The following ERBB4 variants were observed in gnomAD, a reference collection of about 807,000 sequenced individuals.
ERBB4 encodes the protein receptor tyrosine-protein kinase erbB-4.
ERBB4 carries 42 observed loss-of-function variants against 158.0 expected under a neutral mutation model. The observed-to-expected ratio is 0.27, with a 90% CI of 0.21 to 0.34. The LOEUF is 0.34. Among genes scored for constraint, ERBB4 ranks in the 10% least tolerant of loss-of-function variants. ERBB4 has a pLI of 1.00. For synonymous variants in ERBB4, 583 were observed against 558.7 expected (o/e 1.04, Z -0.61); for missense variants, 1,333 against 1,624.1 (o/e 0.82, Z 3.08).
At chr2:212,041,571 C>A in intron 2 of ERBB4, among the ~76,000 whole-genome samples, 1 of 150,354 alleles carries the variant, frequency 6.7e-6, no homozygotes, top group Non-Finnish European at 1.5e-5. Context: ...GAAATAGTAG[C>A]AATATGGATC....
intron 1 of ERBB4, among the ~76,000 whole-genome samples, chr2:212,228,005 T>C (rs1220771674): frequency 6.6e-6 from 1 of 152,124 alleles, no homozygotes; most frequent in African/African-American, 2.4e-5. Context: ...GTCGCAATGT[T>C]CAGATCATGT....
At chr2:211,838,388 C>T (rs1003694861) in intron 3 of ERBB4, among the ~76,000 whole-genome samples, 3 of 151,948 alleles carry the variant, frequency 2.0e-5, no homozygotes, top group African/African-American at 7.3e-5. Flanking sequence ...AATTTTAAAA[C>T]ACATGTTAAA....
chr2:212,397,822 T>C (rs749996791), intron 1 of ERBB4, among the ~76,000 whole-genome samples: 1 of 152,140 alleles, frequency 6.6e-6, no homozygotes, highest in Non-Finnish European at 1.5e-5. Context: ...TTAAGGATAT[T>C]GATCAATTGT....
chr2:211,444,368 A>ATAAC (rs2064060026), intron 20 of ERBB4, among the ~76,000 whole-genome samples: 1 of 152,104 alleles, frequency 6.6e-6, no homozygotes, highest in African/African-American at 2.4e-5. Context: ...CTGTAAATAT[A>ATAAC]TAACTGTACA....
chr2:211,983,456 G>C (rs1240724502), intron 2 of ERBB4, among the ~76,000 whole-genome samples: 3 of 152,146 alleles, frequency 2.0e-5, no homozygotes, highest in Non-Finnish European at 4.4e-5. Context: ...TATAGCTATA[G>C]AGTTTATTCA....
chr2:212,173,570 T>C (rs75076215), intron 1 of ERBB4, among the ~76,000 whole-genome samples: 274 of 152,272 alleles, frequency 1.8e-3, no homozygotes, highest in African/African-American at 6.2e-3. Context: ...TATAACGATA[T>C]CTACTGTGTA....
intron 1 of ERBB4, among the ~76,000 whole-genome samples, chr2:212,257,080 G>T (rs978582729): frequency 6.6e-6 from 1 of 152,088 alleles, no homozygotes. Flanking sequence ...GCAGTCCCCA[G>T]TGTTTATTGT....
intron 1 of ERBB4, among the ~76,000 whole-genome samples, chr2:212,195,711 C>A (rs879775909): frequency 3.3e-5 from 5 of 151,940 alleles, no homozygotes; most frequent in Admixed American, 3.3e-4. Context: ...CATGGCTTAC[C>A]ATATCCCTAT....
chr2:211,775,263 T>G (rs2075843876), intron 4 of ERBB4, among the ~76,000 whole-genome samples: 1 of 152,206 alleles, frequency 6.6e-6, no homozygotes, highest in Non-Finnish European at 1.5e-5. Flanking sequence ...CAGCTGTTCT[T>G]GAGTAGCTCG....
At chr2:211,657,880 C>T (rs374654763) in intron 15 of ERBB4, 52 bp from the exon 16 acceptor site, 5 of 1,600,496 alleles carry the variant, frequency 3.1e-6, no homozygotes, top group Non-Finnish European at 4.3e-6. Flanking sequence ...CAGTGACATG[C>T]ACACACATGC....
At chr2:211,470,975 G>A (rs2064813990) in intron 20 of ERBB4, among the ~76,000 whole-genome samples, 2 of 152,152 alleles carry the variant, frequency 1.3e-5, no homozygotes, top group African/African-American at 4.8e-5. Flanking sequence ...AGGCTATGAT[G>A]AGACTGTGCC....
At chr2:212,351,225 C>G (rs1187679586) in intron 1 of ERBB4, among the ~76,000 whole-genome samples, 1 of 152,008 alleles carries the variant, frequency 6.6e-6, no homozygotes, top group Non-Finnish European at 1.5e-5. Context: ...GTGCAGGCAC[C>G]AAGGAAAGAC....
At chr2:211,887,922 C>T (rs1485971572) in intron 3 of ERBB4, among the ~76,000 whole-genome samples, 1 of 152,078 alleles carries the variant, frequency 6.6e-6, no homozygotes, top group African/African-American at 2.4e-5. Flanking sequence ...TCCAAATGAC[C>T]CTGAATCAAT....
chr2:211,990,745 A>C (rs888810441), intron 2 of ERBB4, among the ~76,000 whole-genome samples: 1 of 151,858 alleles, frequency 6.6e-6, no homozygotes, highest in Admixed American at 6.6e-5. Flanking sequence ...CTCGACCAGC[A>C]TCTCTTGAGG....
intron 1 of ERBB4, among the ~76,000 whole-genome samples, chr2:212,483,842 T>C (rs1176736466): frequency 6.6e-6 from 1 of 152,176 alleles, no homozygotes; most frequent in African/African-American, 2.4e-5. Flanking sequence ...GTTCACGCCA[T>C]TCTCCTGCCT....
chr2:212,347,679 C>CAA (rs1560080222), intron 1 of ERBB4, among the ~76,000 whole-genome samples: 1 of 152,118 alleles, frequency 6.6e-6, no homozygotes, highest in Non-Finnish European at 1.5e-5. Flanking sequence ...ATCCAAAAAT[C>CAA]AAACGATCAT....
intron 21 of ERBB4, 56 bp downstream of exon 21, chr2:211,430,889 A>T (rs1229375540): frequency 7.2e-7 from 1 of 1,397,058 alleles, no homozygotes; most frequent in East Asian, 2.3e-5. Context: ...ATATAAGGAG[A>T]TAAAAGGATA....
At chr2:211,692,221 G>T (rs2072849510) in intron 12 of ERBB4, among the ~76,000 whole-genome samples, 1 of 152,174 alleles carries the variant, frequency 6.6e-6, no homozygotes, top group Non-Finnish European at 1.5e-5. Flanking sequence ...TTGCCTAAGA[G>T]GAAAGCAGAG....
At chr2:211,498,977 T>C (rs184201864) in intron 20 of ERBB4, among the ~76,000 whole-genome samples, 1 of 152,258 alleles carries the variant, frequency 6.6e-6, no homozygotes. Context: ...CAATGGGTTA[T>C]AATGAGGCTC....
Sources: allele counts gnomAD v4.1 joint callset (sites outside exome capture counted in the v4.1 genomes callset), GRCh38; gene constraint gnomAD v4.1.1; transcripts MANE v1.5; gene names NCBI Gene and HGNC (gene_info 2026-07-23, HGNC 2026-07-21).